The following SYNPR variants were observed in gnomAD, a reference collection of about 807,000 sequenced individuals.
SYNPR encodes the protein synaptoporin.
SYNPR carries 23 observed loss-of-function variants against 32.9 expected under a neutral mutation model. That is an observed-to-expected ratio of 0.70 (90% CI 0.50 to 0.99). The LOEUF (loss-of-function observed/expected upper bound fraction) is 0.99. Among genes scored for constraint, SYNPR ranks in the 50% least tolerant of loss-of-function variants. SYNPR has a pLI of 0.00. For synonymous variants in SYNPR, 146 were observed against 135.9 expected (o/e 1.07, Z -0.52); for missense variants, 318 against 349.3 (o/e 0.91, Z 0.71).
chr3:63,471,559 T>C (rs563226429), intron 2 of SYNPR, among the ~76,000 whole-genome samples: 1 of 152,304 alleles, frequency 6.6e-6, no homozygotes, highest in East Asian at 1.9e-4. Context: ...AATGGAACAT[T>C]AAGCTTTAGA....
At chr3:63,225,213 T>C (rs1575569286), upstream of SYNPR, among the ~76,000 whole-genome samples, 2 of 152,216 alleles carry the variant, frequency 1.3e-5, no homozygotes, top group Admixed American at 1.3e-4. Context: ...ATGTGTGTTA[T>C]TGACACAGCA....
rs190364149 is a variant in SYNPR at position 63,589,057 on chromosome 3, C to G, written c.409-20068C>G. Among the ~76,000 whole-genome samples the G allele has an allele frequency of 2.8e-3, 427 of 152,154 alleles. 2 individuals are homozygous for G. Among genetic ancestry groups the G allele is most frequent in the Non-Finnish European group, 5.1e-3 (347 of 67,988 alleles). The stretch of plus-strand genomic sequence containing the variant: ...ACATGCATTTTTCCTAGGAAAGGAA[C>G]AAGCAGGTAGTAAAGAAGAGTCCAA... On this transcript the variant is annotated intron_variant, in intron 4 of 5. Coordinates refer to ENST00000478300, the MANE Select transcript of SYNPR (RefSeq NM_001130003.2).
At position 63,443,431 on chromosome 3, in the gene SYNPR, T is replaced by C. The variant is rs1280179826; in HGVS notation, c.85-37401T>C. ...CTTTCAGGAGAGGGAAGTTGGATTA[T>C]CAATTCTTTTGTAAATGTGTATGGT... On this transcript the variant is annotated intron_variant, in intron 2 of 5. Transcript: ENST00000478300. 3.7e-6 allele frequency: 6 copies of C among 1,606,010 alleles called. No individual in the cohort carries two copies. The African/African-American group carries it at 4.0e-5, about 11-fold the overall frequency.
At chr3:63,600,744 C>T (rs1473640885) in intron 4 of SYNPR, among the ~76,000 whole-genome samples, 3 of 152,052 alleles carry the variant, frequency 2.0e-5, no homozygotes, top group African/African-American at 7.2e-5. Context: ...TGCCTTGCTT[C>T]CCCTTCACCT....
chr3:63,242,013 G>T (rs1023728573), intron 1 of SYNPR, among the ~76,000 whole-genome samples: 6 of 151,964 alleles, frequency 3.9e-5, no homozygotes, highest in African/African-American at 1.4e-4. Context: ...CATTGTGGAA[G>T]AATCTTTCTG....
intron 2 of SYNPR, among the ~76,000 whole-genome samples, chr3:63,355,051 G>C (rs2087558719): frequency 6.6e-6 from 1 of 152,148 alleles, no homozygotes; most frequent in African/African-American, 2.4e-5. Flanking sequence ...GGCCAAGGCA[G>C]GTGGATCATT....
chr3:63,254,915 A>G (rs1278789597), intron 2 of SYNPR, among the ~76,000 whole-genome samples: 3 of 152,190 alleles, frequency 2.0e-5, no homozygotes, highest in Non-Finnish European at 4.4e-5. Flanking sequence ...AGATCATGTG[A>G]AGACACAGGG....
chr3:63,447,025 TA>T (rs11406044), intron 2 of SYNPR, among the ~76,000 whole-genome samples: 149 of 151,462 alleles, frequency 9.8e-4, no homozygotes, highest in Non-Finnish European at 4.0e-4. Context: ...CTCTTGTTCT[TA>T]AAAAAAAAGT....
At chr3:63,313,817 A>G in intron 2 of SYNPR, among the ~76,000 whole-genome samples, 1 of 35,120 alleles carries the variant, frequency 2.8e-5, no homozygotes, top group African/African-American at 1.1e-4. Context: ...ATCCATATAT[A>G]TATCCATATA....
At chr3:63,312,282 C>A (rs539220477) in intron 2 of SYNPR, among the ~76,000 whole-genome samples, 2 of 152,072 alleles carry the variant, frequency 1.3e-5, no homozygotes, top group African/African-American at 4.8e-5. Flanking sequence ...ATAAGAGTGA[C>A]CATACTTGCA....
the SYNPR span, among the ~76,000 whole-genome samples, chr3:63,221,913 T>C: frequency 6.6e-6 from 1 of 151,942 alleles, no homozygotes; most frequent in South Asian, 2.1e-4. Flanking sequence ...AAATACGTTG[T>C]TGATGATCCA....
chr3:63,444,555 A>C (rs1700238168), intron 2 of SYNPR, among the ~76,000 whole-genome samples: 1 of 152,172 alleles, frequency 6.6e-6, no homozygotes. Context: ...AGGTCTGACT[A>C]TACATTTTTC....
At chr3:63,517,245 T>C (rs940090490) in intron 3 of SYNPR, among the ~76,000 whole-genome samples, 1 of 152,134 alleles carries the variant, frequency 6.6e-6, no homozygotes, top group Admixed American at 6.6e-5. Context: ...GAACCAATCT[T>C]AACTCTGTCT....
At chr3:63,320,353 T>C (rs943933161) in intron 2 of SYNPR, among the ~76,000 whole-genome samples, 1 of 151,960 alleles carries the variant, frequency 6.6e-6, no homozygotes, top group African/African-American at 2.4e-5. Flanking sequence ...AAAGGTAAAA[T>C]AGAAAGAACA....
chr3:63,556,673 T>C lies in SYNPR; in HGVS notation c.340T>C (p.Leu114=), dbSNP rs372842129. The change falls in exon 4 of 6, where the codon TTG becomes CTG. Residue 114 remains leucine, a synonymous_variant. Coordinates refer to ENST00000478300, the MANE Select transcript of SYNPR (RefSeq NM_001130003.2). ...TGCTGTCTTCGCCTTCCTCTACTCTTTGGCTGCCACTGTCGTTTACATTTT... is the reference window on the plus strand; with the variant it reads ...TGCTGTCTTCGCCTTCCTCTACTCTCTGGCTGCCACTGTCGTTTACATTTT... ...TVAVFAFLYS[L]AATVVYIFFQ... The C allele has an allele frequency of 1.2e-6, 2 of 1,613,734 alleles. No individual in the cohort carries two copies. Among genetic ancestry groups the C allele is most frequent in the African/African-American group, 2.7e-5 (2 of 74,928 alleles).
intron 2 of SYNPR, among the ~76,000 whole-genome samples, chr3:63,420,923 C>T (rs1015109367): frequency 6.6e-6 from 1 of 152,098 alleles, no homozygotes; most frequent in Non-Finnish European, 1.5e-5. Flanking sequence ...TGCTGCCTCC[C>T]AGGCTGGAGT....
chr3:63,461,430 A>T (rs1449726805), intron 2 of SYNPR, among the ~76,000 whole-genome samples: 4 of 152,054 alleles, frequency 2.6e-5, no homozygotes, highest in Non-Finnish European at 5.9e-5. Context: ...GCCTCCTTTT[A>T]CTCGAGCAAG....
intron 5 of SYNPR, among the ~76,000 whole-genome samples, chr3:63,611,037 G>A (rs1366983250): frequency 2.6e-5 from 4 of 152,126 alleles, no homozygotes; most frequent in Non-Finnish European, 4.4e-5. Flanking sequence ...AATTCAAACT[G>A]GCTAAGGCAA....
At chr3:63,556,858 A>G in intron 4 of SYNPR, 117 bp downstream of exon 4, 1 of 977,036 alleles carries the variant, frequency 1.0e-6, no homozygotes, top group South Asian at 2.0e-5. Context: ...AGGAAATCAC[A>G]TTCTTTTTTA....
Sources: gnomAD v4.1 joint callset for allele counts (sites outside exome capture counted in the v4.1 genomes callset) on GRCh38, gnomAD v4.1.1 for gene constraint, MANE v1.5 for transcripts, NCBI Gene and HGNC (gene_info 2026-07-23, HGNC 2026-07-21) for gene names.